FBXO41: variants seen among roughly 807,000 people sequenced by gnomAD.
FBXO41 encodes the protein F-box only protein 41.
In FBXO41, 33 loss-of-function variants were observed where a neutral mutation model predicts 81.6. The ratio of observed to expected loss-of-function variants is 0.40; its 90% CI spans 0.31 to 0.54. The LOEUF is 0.54. Ranked by LOEUF, FBXO41 falls within the 20% of genes least tolerant of loss-of-function variation. The pLI, the probability that FBXO41 is intolerant of heterozygous loss-of-function variation, is 0.39. For synonymous variants in FBXO41, 576 were observed against 552.7 expected (o/e 1.04, Z -0.59); for missense variants, 1,107 against 1,236.0 (o/e 0.90, Z 1.56).
intron 1 of FBXO41, among the ~76,000 whole-genome samples, chr2:73,275,382 C>G (rs1444580127): frequency 7.2e-5 from 11 of 152,004 alleles, no homozygotes. Flanking sequence ...AGCGTTTCAC[C>G]ATGTTGGCCA....
At chr2:73,268,649 G>A (rs752740754) in intron 2 of FBXO41, 77 bp downstream of exon 2, 63 of 1,370,534 alleles carry the variant, frequency 4.6e-5, no homozygotes, top group Non-Finnish European at 6.0e-5. Context: ...ACACACTCAG[G>A]CACGCCCACG....
intron 4 of FBXO41, 74 bp from the exon 5 acceptor site, chr2:73,265,714 C>T (rs1688236541): frequency 6.9e-7 from 1 of 1,447,452 alleles, no homozygotes; most frequent in Non-Finnish European, 9.2e-7. Context: ...CTGCCCCTAC[C>T]ATCAGCTGAG....
intron 1 of FBXO41, among the ~76,000 whole-genome samples, chr2:73,279,376 T>C (rs1231018784): frequency 6.6e-6 from 1 of 152,076 alleles, no homozygotes; most frequent in Non-Finnish European, 1.5e-5. Flanking sequence ...AAAATACAGT[T>C]TTGGCAACTT....
chr2:73,269,762 G>C lies in FBXO41; in HGVS notation c.-132C>G. ...GCTCAGGGCGCCCGCGGCCTGGGGC[G>C]AGGAGGCTGGAAGAGACGCGATGAG... is the stretch of plus-strand genomic sequence containing the variant. On this transcript the variant is annotated 5_prime_UTR_variant, in exon 2 of 13. Coordinates refer to ENST00000520530, the MANE Select transcript of FBXO41 (RefSeq NM_001371389.2). The surrounding 1 kb of genome is among the most constrained non-coding windows in gnomAD (Gnocchi z 7.0). 6.8e-6 allele frequency: 3 copies of C among 439,534 alleles called. No individual in the cohort carries two copies. Among genetic ancestry groups the C allele is most frequent in the Non-Finnish European group, 6.5e-6 (2 of 308,736 alleles). The allele number at this position is 439,534 out of a possible 1,614,324, so 27.2% of individuals were successfully genotyped here. A position where few individuals can be genotyped will look rare whatever the true frequency, so the allele number is the denominator to read the frequency against.
intron 1 of FBXO41, among the ~76,000 whole-genome samples, chr2:73,276,030 C>T (rs935452459): frequency 2.0e-5 from 3 of 151,510 alleles, no homozygotes; most frequent in Non-Finnish European, 4.4e-5. Flanking sequence ...AGGTGATCCA[C>T]TTGCCTCTGC....
chr2:73,262,401 C>G (rs147873895), intron 9 of FBXO41, among the ~76,000 whole-genome samples: 99 of 152,238 alleles, frequency 6.5e-4, no homozygotes, highest in Non-Finnish European at 9.0e-4. Flanking sequence ...ATGTAGGGAG[C>G]AAAAGAGCCT....
Position 73,269,720 on chromosome 2 carries a change from C to T in FBXO41, c.-90G>A, listed in dbSNP as rs1688430059. ...TCATGGGGGACCGCGGGCGAGGCCC[C>T]CTGCGGGGTCAGGAAGGCTCAGGGC... On this transcript the variant is annotated 5_prime_UTR_variant, in exon 2 of 13. Transcript: ENST00000520530. The surrounding 1 kb of genome is among the most constrained non-coding windows in gnomAD (Gnocchi z 7.0). The T allele has an allele frequency of 8.2e-6, 8 of 979,500 alleles. No homozygotes were observed. Among genetic ancestry groups the T allele is most frequent in the Non-Finnish European group, 1.0e-5 (8 of 796,426 alleles). 60.7% of individuals were successfully genotyped at this position (979,500 alleles called of 1,614,324 possible). A position where few individuals can be genotyped will look rare whatever the true frequency, so the allele number is the denominator to read the frequency against.
rs1002503471 is a variant in FBXO41, at chr2:73,260,180, C to T, written c.2449+209G>A. Among the ~76,000 whole-genome samples the T allele has an allele frequency of 1.3e-5, 2 of 152,106 alleles. No individual in the cohort carries two copies. Among genetic ancestry groups the T allele is most frequent in the Admixed American group, 6.5e-5 (1 of 15,272 alleles). ...GGACTCAGAGAGGTATAGTAACTTG[C>T]CCAACATCACTCAGCTAATAAGTAG... On this transcript the variant is annotated intron_variant, in intron 11 of 12. Transcript: ENST00000520530. The surrounding 1 kb of genome is among the most constrained non-coding windows in gnomAD (Gnocchi z 5.0).
intron 1 of FBXO41, among the ~76,000 whole-genome samples, chr2:73,283,678 T>C (rs1688912316): frequency 6.6e-6 from 1 of 152,176 alleles, no homozygotes; most frequent in Admixed American, 6.5e-5. Flanking sequence ...GACAGACACA[T>C]GCGTGCACAC....
At position 73,259,272 on chromosome 2, in the gene FBXO41, A is replaced by G. The variant is rs767641457; in HGVS notation, c.2474T>C (p.Ile825Thr). 8 of 1,613,868 alleles carry G rather than the reference A, an allele frequency of 5.0e-6. No individual in the cohort carries two copies. The highest frequency in any genetic ancestry group is 6.8e-6 in the Non-Finnish European group (8 of 1,179,880). Residue 825 changes from isoleucine to threonine, a missense_variant, in exon 12 of 13, where the codon ATT becomes ACT. Around this residue, in one of 2 missense-constraint regions of FBXO41, gnomAD observed 336 missense variants for 446.7 expected, o/e 0.75. Transcript: ENST00000520530. This position sits in a 1 kb window ranked among gnomAD's most constrained non-coding sequence, Gnocchi z 4.2. ...FNSICRNLKS[I>T]VVQIGIADYF... ...ATCCGCAATCCCAATCTGGACCACAATGGACTTGAGGTTCCGGCAGATGCC... is the reference window on the plus strand; with the variant it reads ...ATCCGCAATCCCAATCTGGACCACAGTGGACTTGAGGTTCCGGCAGATGCC...
rs764105116 is a variant in FBXO41, at chr2:73,260,539, A to G, written c.2299T>C (p.Cys767Arg). 1 of 1,592,230 alleles carries G rather than the reference A, an allele frequency of 6.3e-7. No individual in the cohort carries two copies. Among genetic ancestry groups the G allele is most frequent in the South Asian group, 1.1e-5 (1 of 87,412 alleles). The change falls in exon 11 of 13, where the codon TGC (cysteine) becomes CGC (arginine). Residue 767 changes from cysteine to arginine, a missense_variant. By Grantham distance (180) the Cys-to-Arg change is radical. Coordinates refer to ENST00000520530, the MANE Select transcript of FBXO41 (RefSeq NM_001371389.2). This position sits in a 1 kb window ranked among gnomAD's most constrained non-coding sequence, Gnocchi z 5.0. ...VQGLASLARN[C>R]MRLQVLELDH... ...AGCTCCAGGACCTGCAGCCGCATGC[A>G]GTTTCTCGCTAGGAAGAGGAAGAAG...
Position 73,263,797 on chromosome 2 carries a change from C to T in FBXO41, c.1956G>A (p.Leu652=). 6.2e-7 allele frequency: 1 copy of T among 1,614,052 alleles called. No individual in the cohort carries two copies. The highest frequency in any genetic ancestry group is 8.5e-7 in the Non-Finnish European group (1 of 1,179,894). The change falls in exon 8 of 13, where the codon CTG becomes CTA. Residue 652 remains leucine (L), a synonymous_variant. Coordinates refer to ENST00000520530, the MANE Select transcript of FBXO41 (RefSeq NM_001371389.2). The part of the protein sequence containing the change: ...GCLEAGLESL[L]KAAGGNLLIL... ...TCAGCAGGTTCCCCCCAGCTGCCTT[C>T]AGCAGGGACTCCAGCCCAGCTTCCA...
At chr2:73,277,081 G>A (rs544215528) in intron 1 of FBXO41, among the ~76,000 whole-genome samples, 45 of 152,206 alleles carry the variant, frequency 3.0e-4, no homozygotes, top group African/African-American at 9.4e-4. Flanking sequence ...TTGCCTCACA[G>A]CATCCTGCTA....
At chr2:73,268,290 A>G (rs1026266155) in intron 2 of FBXO41, among the ~76,000 whole-genome samples, 8 of 152,220 alleles carry the variant, frequency 5.3e-5, no homozygotes, top group African/African-American at 1.9e-4. Flanking sequence ...GTTTTCTGTA[A>G]GGAGGAGAGA....
At chr2:73,265,707 C>T (rs1688235719) in intron 4 of FBXO41, 67 bp from the exon 5 acceptor site, 3 of 1,448,042 alleles carry the variant, frequency 2.1e-6, no homozygotes, top group Non-Finnish European at 1.8e-6. Flanking sequence ...CCCCATCCTG[C>T]CCCTACCATC....
chr2:73,280,099 T>C (rs1348654915), intron 1 of FBXO41, among the ~76,000 whole-genome samples: 2 of 150,178 alleles, frequency 1.3e-5, no homozygotes, highest in Non-Finnish European at 3.0e-5. Context: ...CTCAGCACCC[T>C]GGATAGCGAC....
At position 73,269,533 on chromosome 2, in the gene FBXO41, T is replaced by C. The variant is rs1248994978; in HGVS notation, c.98A>G (p.His33Arg). The C allele has an allele frequency of 7.3e-7, 1 of 1,369,306 alleles. No homozygotes were observed. 84.8% of individuals were successfully genotyped at this position (1,369,306 alleles called of 1,614,324 possible). The change falls in exon 2 of 13, where the codon CAC becomes CGC. Residue 33 changes from histidine (H) to arginine (R), a missense_variant. Physicochemically the swap from His to Arg is conservative, Grantham distance 29. Coordinates refer to ENST00000520530, the MANE Select transcript of FBXO41 (RefSeq NM_001371389.2). The surrounding 1 kb of genome is among the most constrained non-coding windows in gnomAD (Gnocchi z 7.0). Reference sequence around the variant, plus strand: ...GAGGATGTAGAGCGTCTCGTAGGTGTGGCTGTACTCCAGGTGCGCGCGCAG... The same window carrying C: ...GAGGATGTAGAGCGTCTCGTAGGTGCGGCTGTACTCCAGGTGCGCGCGCAG... ...SSLRAHLEYS[H>R]TYETLYILSK...
intron 9 of FBXO41, 29 bp downstream of exon 9, chr2:73,263,184 T>A (rs1478332018): frequency 6.5e-7 from 1 of 1,542,504 alleles, no homozygotes. Context: ...GTGTCCCCCC[T>A]CCTATCCCCC....
intron 1 of FBXO41, among the ~76,000 whole-genome samples, chr2:73,279,911 T>G (rs1358010061): frequency 6.6e-6 from 1 of 152,198 alleles, no homozygotes; most frequent in Non-Finnish European, 1.5e-5. Flanking sequence ...TAACAATTCT[T>G]TTTTAAAAAA....
Sources: gnomAD v4.1 joint callset for allele counts (sites outside exome capture counted in the v4.1 genomes callset) on GRCh38, gnomAD v4.1.1 for gene constraint, gnomAD v4.1.1 regional missense constraint, Gnocchi (gnomAD v3.1) non-coding constraint, MANE v1.5 for transcripts, NCBI Gene and HGNC (gene_info 2026-07-23, HGNC 2026-07-21) for gene names.